SNTG1: variants seen among roughly 807,000 people sequenced by gnomAD.
SNTG1 encodes gamma-1-syntrophin.
A neutral mutation model predicts 74.7 loss-of-function variants in SNTG1; 39 were observed. That is an observed-to-expected ratio of 0.52 (90% CI 0.40 to 0.68). The LOEUF (loss-of-function observed/expected upper bound fraction) is 0.68, where lower values mean the gene tolerates loss of function less well. Ranked by LOEUF, SNTG1 falls within the 30% of genes least tolerant of loss-of-function variation. SNTG1 has a pLI of 0.00. For synonymous variants in SNTG1, 254 were observed against 217.1 expected (o/e 1.17, Z -1.49); for missense variants, 685 against 609.5 (o/e 1.12, Z -1.30).
intron 2 of SNTG1, among the ~76,000 whole-genome samples, chr8:50,301,942 C>T (rs1364150159): frequency 2.6e-5 from 4 of 151,896 alleles, no homozygotes; most frequent in Admixed American, 1.3e-4. Context: ...CTGCAACCTC[C>T]GCCTCCTGGC....
intron 1 of SNTG1, among the ~76,000 whole-genome samples, chr8:50,143,017 T>C (rs908987162): frequency 6.6e-6 from 1 of 151,886 alleles, no homozygotes; most frequent in Non-Finnish European, 1.5e-5. Context: ...GATGTTGCAA[T>C]AAGTCGAGAT....
At chr8:50,650,673 C>T (rs1324208934) in intron 13 of SNTG1, among the ~76,000 whole-genome samples, 1 of 151,962 alleles carries the variant, frequency 6.6e-6, no homozygotes, top group African/African-American at 2.4e-5. Context: ...TGACATTTGT[C>T]TAAGAATTAA....
In SNTG1 at chr8:50,450,610, T is replaced by C; in HGVS notation, c.321+11T>C. The C allele has an allele frequency of 6.2e-7, 1 of 1,613,534 alleles. No homozygotes were observed. Among genetic ancestry groups the C allele is most frequent in the Non-Finnish European group, 8.5e-7 (1 of 1,179,726 alleles). The stretch of plus-strand genomic sequence containing the variant: ...GATGCAATTCTACAGGTATACATTT[T>C]ATCACTATATGTGTGGTCAAAACAT... On this transcript the variant is annotated intron_variant, in intron 7 of 18. Transcript: ENST00000642720.
chr8:50,400,709 G>A (rs2092792221), intron 3 of SNTG1, among the ~76,000 whole-genome samples: 1 of 152,120 alleles, frequency 6.6e-6, no homozygotes, highest in Non-Finnish European at 1.5e-5. Context: ...TGGGTGAGGT[G>A]GTATTACATT....
chr8:50,219,454 G>A (rs1043523364), intron 2 of SNTG1, among the ~76,000 whole-genome samples: 4 of 152,148 alleles, frequency 2.6e-5, no homozygotes, highest in African/African-American at 9.7e-5. Flanking sequence ...TATCGCTACA[G>A]AGAACTACCT....
intron 4 of SNTG1, among the ~76,000 whole-genome samples, chr8:50,420,119 C>T (rs935025414): frequency 6.6e-6 from 1 of 152,014 alleles, no homozygotes; most frequent in Non-Finnish European, 1.5e-5. Flanking sequence ...ATTTAAAAAA[C>T]ATAAAGGCTG....
At chr8:50,674,914 C>T (rs1563728632) in intron 15 of SNTG1, among the ~76,000 whole-genome samples, 1 of 151,948 alleles carries the variant, frequency 6.6e-6, no homozygotes, top group Non-Finnish European at 1.5e-5. Context: ...GCTTTAATTT[C>T]ATTATTTAAC....
At chr8:49,935,392 C>CAT (rs1554524020) in intron 1 of SNTG1, among the ~76,000 whole-genome samples, 1 of 132,190 alleles carries the variant, frequency 7.6e-6, no homozygotes, top group African/African-American at 2.8e-5. Flanking sequence ...CCATTAATTC[C>CAT]TTTTTTTTTT....
intron 1 of SNTG1, among the ~76,000 whole-genome samples, chr8:50,111,183 A>C (rs1242358495): frequency 1.3e-5 from 2 of 152,010 alleles, no homozygotes; most frequent in Non-Finnish European, 2.9e-5. Context: ...TAGCTCCCTC[A>C]CACTTGCTTC....
At chr8:50,375,648 G>T (rs549506005) in intron 2 of SNTG1, among the ~76,000 whole-genome samples, 2 of 152,160 alleles carry the variant, frequency 1.3e-5, no homozygotes, top group Non-Finnish European at 2.9e-5. Flanking sequence ...GTCAGGATAA[G>T]ATAAGTCACA....
intron 15 of SNTG1, among the ~76,000 whole-genome samples, chr8:50,683,902 A>G (rs962628364): frequency 4.6e-5 from 7 of 152,358 alleles, no homozygotes; most frequent in African/African-American, 1.7e-4. Context: ...CTTTTCAAAA[A>G]GTGGTGACCA....
chr8:50,204,776 G>T (rs1007329172), intron 2 of SNTG1, among the ~76,000 whole-genome samples: 1 of 152,010 alleles, frequency 6.6e-6, no homozygotes, highest in South Asian at 2.1e-4. Flanking sequence ...GTGTCCAGGT[G>T]TTCTCATTGT....
chr8:50,763,788 A>T (rs998758913), intron 18 of SNTG1, among the ~76,000 whole-genome samples: 2 of 149,522 alleles, frequency 1.3e-5, no homozygotes, highest in East Asian at 2.0e-4. Flanking sequence ...AGATTAATAG[A>T]TTCATTAAAT....
At chr8:50,432,209 C>T (rs1051082465) in intron 4 of SNTG1, among the ~76,000 whole-genome samples, 4 of 152,144 alleles carry the variant, frequency 2.6e-5, no homozygotes, top group Non-Finnish European at 5.9e-5. Context: ...GCATAGTATA[C>T]ATGCCTTTTC....
At chr8:50,572,473 T>C (rs1180679911) in intron 12 of SNTG1, among the ~76,000 whole-genome samples, 1 of 152,146 alleles carries the variant, frequency 6.6e-6, no homozygotes, top group Non-Finnish European at 1.5e-5. Context: ...ATAATTCTTG[T>C]TATAGGAAAA....
intron 9 of SNTG1, among the ~76,000 whole-genome samples, chr8:50,509,948 A>G (rs988364519): frequency 1.6e-4 from 24 of 152,134 alleles, no homozygotes; most frequent in African/African-American, 5.8e-4. Context: ...AGCTTCCAAC[A>G]CTATGTTGAA....
intron 2 of SNTG1, among the ~76,000 whole-genome samples, chr8:50,377,338 T>A (rs2092405830): frequency 6.6e-6 from 1 of 152,242 alleles, no homozygotes; most frequent in Admixed American, 6.5e-5. Context: ...TGGGAAAGTT[T>A]AACAACTTCG....
chr8:50,298,674 T>C (rs1040097001), intron 2 of SNTG1, among the ~76,000 whole-genome samples: 26 of 152,150 alleles, frequency 1.7e-4, no homozygotes, highest in Admixed American at 1.4e-3. Flanking sequence ...CAATTCAATT[T>C]TATTACCCTT....
chr8:49,994,625 A>G (rs1814027516), intron 1 of SNTG1, among the ~76,000 whole-genome samples: 1 of 151,988 alleles, frequency 6.6e-6, no homozygotes, highest in Non-Finnish European at 1.5e-5. Context: ...GTAGTAACCC[A>G]AGAAATACGG....
Sources: allele counts gnomAD v4.1 joint callset (sites outside exome capture counted in the v4.1 genomes callset), GRCh38; gene constraint gnomAD v4.1.1; transcripts MANE v1.5; gene names NCBI Gene and HGNC (gene_info 2026-07-23, HGNC 2026-07-21).